CSMD1: variants seen among roughly 807,000 people sequenced by gnomAD.
CSMD1 encodes CUB and Sushi multiple domains 1, also known as CUB and sushi domain-containing protein 1.
A neutral mutation model predicts 417.5 loss-of-function variants in CSMD1; 213 were observed. That is an observed-to-expected ratio of 0.51 (90% CI 0.46 to 0.57). The LOEUF (loss-of-function observed/expected upper bound fraction) is 0.57, where lower values mean the gene tolerates loss of function less well. Among genes scored for constraint, CSMD1 ranks in the 20% least tolerant of loss-of-function variants. CSMD1 has a pLI of 0.00. For synonymous variants in CSMD1, 2,862 were observed against 1,736.8 expected, an observed-to-expected ratio of 1.65 and a Z score of -16.11; for missense variants, 6,923 against 4,529.7, an observed-to-expected ratio of 1.53 and a Z score of -15.17.
chr8:3,467,438 A>G (rs186535066), intron 12 of CSMD1, among the ~76,000 whole-genome samples: 225 of 152,360 alleles, frequency 1.5e-3, no homozygotes, highest in African/African-American at 5.2e-3. Flanking sequence ...GTCACATAAA[A>G]GTTCAATTGA....
At chr8:3,491,151 G>C (rs1377607134) in intron 11 of CSMD1, among the ~76,000 whole-genome samples, 1 of 152,128 alleles carries the variant, frequency 6.6e-6, no homozygotes, top group Admixed American at 6.5e-5. Flanking sequence ...GAGAGCGTGA[G>C]TGTCAGATGC....
chr8:3,532,112 A>T (rs1404471162), intron 10 of CSMD1, among the ~76,000 whole-genome samples: 1 of 151,734 alleles, frequency 6.6e-6, no homozygotes, highest in East Asian at 1.9e-4. Flanking sequence ...AGATGGCAAC[A>T]TTTTTTTTCT....
At chr8:4,780,798 G>T (rs144047010) in intron 1 of CSMD1, among the ~76,000 whole-genome samples, 1 of 151,802 alleles carries the variant, frequency 6.6e-6, no homozygotes, top group Non-Finnish European at 1.5e-5. Context: ...TAGCTCCCCC[G>T]TCTCAGTGAG....
At chr8:4,646,325 A>G (rs1803512208) in intron 1 of CSMD1, among the ~76,000 whole-genome samples, 1 of 152,170 alleles carries the variant, frequency 6.6e-6, no homozygotes, top group South Asian at 2.1e-4. Context: ...ATCTTGGGTC[A>G]GTAGGATTGA....
chr8:3,138,443 C>G (rs188021197), intron 41 of CSMD1, among the ~76,000 whole-genome samples: 7 of 152,178 alleles, frequency 4.6e-5, no homozygotes, highest in African/African-American at 1.7e-4. Flanking sequence ...CACCACCACA[C>G]TTCATTTTGA....
At chr8:3,977,014 C>G (rs932421161) in intron 5 of CSMD1, among the ~76,000 whole-genome samples, 1 of 152,256 alleles carries the variant, frequency 6.6e-6, no homozygotes, top group East Asian at 1.9e-4. Context: ...CGTGAAGGTG[C>G]CTGCAGGGAA....
intron 3 of CSMD1, among the ~76,000 whole-genome samples, chr8:4,260,829 T>C (rs962819080): frequency 6.6e-6 from 1 of 152,174 alleles, no homozygotes; most frequent in Non-Finnish European, 1.5e-5. Context: ...ATTATGACAC[T>C]CTTTGTCTCC....
chr8:3,338,602 T>C (rs1287284818), intron 23 of CSMD1, among the ~76,000 whole-genome samples: 1 of 152,130 alleles, frequency 6.6e-6, no homozygotes, highest in Admixed American at 6.5e-5. Flanking sequence ...GTGCCTGGGC[T>C]CAGAGTCAGG....
intron 3 of CSMD1, among the ~76,000 whole-genome samples, chr8:4,238,485 G>A (rs1185169313): frequency 6.6e-6 from 1 of 152,172 alleles, no homozygotes; most frequent in Non-Finnish European, 1.5e-5. Flanking sequence ...AGGGTAAGGA[G>A]GCACATTAAG....
At chr8:4,217,848 G>C (rs920339419) in intron 3 of CSMD1, among the ~76,000 whole-genome samples, 1 of 152,110 alleles carries the variant, frequency 6.6e-6, no homozygotes, top group Non-Finnish European at 1.5e-5. Context: ...AAAAGAAAAT[G>C]TGAAAAGGTG....
At chr8:3,832,598 C>G (rs551787798) in intron 5 of CSMD1, among the ~76,000 whole-genome samples, 1 of 152,066 alleles carries the variant, frequency 6.6e-6, no homozygotes, top group African/African-American at 2.4e-5. Context: ...AGAAATAACA[C>G]AGCAATGATG....
At chr8:4,331,056 T>A (rs961060700) in intron 3 of CSMD1, among the ~76,000 whole-genome samples, 1 of 152,324 alleles carries the variant, frequency 6.6e-6, no homozygotes, top group East Asian at 1.9e-4. Context: ...TAACTATTTC[T>A]TCATAATTTT....
chr8:3,639,152 C>A (rs988803427), intron 7 of CSMD1, among the ~76,000 whole-genome samples: 1 of 152,136 alleles, frequency 6.6e-6, no homozygotes, highest in Non-Finnish European at 1.5e-5. Flanking sequence ...TTAAGCCTTG[C>A]AGTAAAGGCC....
chr8:4,218,128 G>A (rs923264976), intron 3 of CSMD1, among the ~76,000 whole-genome samples: 8 of 152,150 alleles, frequency 5.3e-5, no homozygotes, highest in Non-Finnish European at 5.9e-5. Context: ...TTGAACAGCA[G>A]GGTATAAGTA....
chr8:3,129,212 A>T (rs1369522232), intron 41 of CSMD1, among the ~76,000 whole-genome samples: 1 of 152,232 alleles, frequency 6.6e-6, no homozygotes. Flanking sequence ...AAAAAGGGAA[A>T]GGGGATTTAT....
intron 8 of CSMD1, among the ~76,000 whole-genome samples, chr8:3,589,028 G>A (rs549022093): frequency 3.3e-5 from 5 of 152,098 alleles, no homozygotes; most frequent in African/African-American, 1.2e-4. Context: ...ACCACAGTGA[G>A]ATATCAACTC....
intron 5 of CSMD1, among the ~76,000 whole-genome samples, chr8:3,881,402 G>A (rs1030270475): frequency 1.6e-4 from 24 of 151,560 alleles, no homozygotes; most frequent in African/African-American, 4.8e-4. Flanking sequence ...TTGGGAGGCC[G>A]AGGCAGGCAG....
intron 3 of CSMD1, among the ~76,000 whole-genome samples, chr8:4,185,219 G>C (rs942659675): frequency 4.0e-5 from 6 of 151,594 alleles, no homozygotes; most frequent in Admixed American, 3.3e-4. Flanking sequence ...GTACAGGCTG[G>C]GAACCTGCTT....
intron 1 of CSMD1, among the ~76,000 whole-genome samples, chr8:4,990,195 G>C (rs1435052442): frequency 1.3e-5 from 2 of 152,152 alleles, no homozygotes; most frequent in African/African-American, 4.8e-5. Context: ...TCCGAAGAAA[G>C]ACTCCCTTTT....
Sources: gnomAD v4.1 joint callset for allele counts (sites outside exome capture counted in the v4.1 genomes callset) on GRCh38, gnomAD v4.1.1 for gene constraint, MANE v1.5 for transcripts, NCBI Gene and HGNC (gene_info 2026-07-23, HGNC 2026-07-21) for gene names.